Variants in SEMA3C observed in about 807,000 individuals in gnomAD.
SEMA3C encodes semaphorin-3C.
Under a neutral mutation model 89.4 loss-of-function variants are expected in SEMA3C, and 47 were observed. That is an observed-to-expected ratio of 0.53 (90% CI 0.42 to 0.67). The LOEUF is 0.67. Among genes scored for constraint, SEMA3C ranks in the 30% least tolerant of loss-of-function variants. The pLI is 0.00. For missense variants in SEMA3C, 839 were observed against 929.1 expected, an observed-to-expected ratio of 0.90 and a Z score of 1.26; for synonymous variants, 310 against 320.2, an observed-to-expected ratio of 0.97 and a Z score of 0.34.
chr7:80,856,664 T>C (rs996131707), intron 2 of SEMA3C, among the ~76,000 whole-genome samples: 4 of 151,986 alleles, frequency 2.6e-5, no homozygotes, highest in South Asian at 2.1e-4. Flanking sequence ...TATAAACTCT[T>C]TTCTGGAAAA....
In SEMA3C at chr7:80,905,760, TG is replaced by T. The variant is rs1246216291; in HGVS notation, c.103+10918del. On this transcript the variant is annotated intron_variant, in intron 2 of 17. Coordinates refer to ENST00000265361, the MANE Select transcript of SEMA3C (RefSeq NM_006379.5). ...AATGTCACCTTCTGTGAGGTGTCTATGCTTCTTTTATGGTATGCAGCAGGGT... is the reference window on the plus strand; with the variant it reads ...AATGTCACCTTCTGTGAGGTGTCTATCTTCTTTTATGGTATGCAGCAGGGT... The T allele has an allele frequency of 4.8e-6, 4 of 841,762 alleles. No homozygotes were observed. In the East Asian group the frequency reaches 2.5e-4, roughly 53 times the overall value. The allele number at this position is 841,762 out of a possible 1,614,324, so 52.1% of individuals were successfully genotyped here.
At chr7:80,840,000 T>C (rs1790224624) in intron 2 of SEMA3C, among the ~76,000 whole-genome samples, 1 of 152,144 alleles carries the variant, frequency 6.6e-6, no homozygotes, top group Admixed American at 6.6e-5. Flanking sequence ...CACACTTAAT[T>C]ATAGCAAGAA....
intron 2 of SEMA3C, among the ~76,000 whole-genome samples, chr7:80,879,366 T>C (rs1265155167): frequency 1.3e-5 from 2 of 152,212 alleles, no homozygotes; most frequent in Middle Eastern, 3.4e-3. Flanking sequence ...TTCCAGAACA[T>C]GAGGAATGAA....
intron 2 of SEMA3C, among the ~76,000 whole-genome samples, chr7:80,903,686 G>C (rs555078623): frequency 6.6e-6 from 1 of 152,134 alleles, no homozygotes; most frequent in East Asian, 1.9e-4. Context: ...TAAATCTTAT[G>C]AGACTACCAT....
intron 2 of SEMA3C, among the ~76,000 whole-genome samples, chr7:80,880,524 T>C (rs1245696618): frequency 2.0e-5 from 3 of 152,210 alleles, no homozygotes; most frequent in Non-Finnish European, 2.9e-5. Flanking sequence ...GAAATACATG[T>C]TGGACAATTT....
chr7:80,883,311 T>C (rs1410511044), intron 2 of SEMA3C, among the ~76,000 whole-genome samples: 3 of 152,180 alleles, frequency 2.0e-5, no homozygotes, highest in African/African-American at 4.8e-5. Flanking sequence ...ATTTAGATTC[T>C]GTTCCAAATC....
chr7:80,905,897 A>G (rs1425211523), intron 2 of SEMA3C: 1 of 1,289,596 alleles, frequency 7.8e-7, no homozygotes, highest in East Asian at 5.6e-5. Flanking sequence ...TGTAGCACAC[A>G]GCATTGTACA....
At chr7:80,798,308 A>C in intron 10 of SEMA3C, 72 bp from the exon 11 acceptor site, 1 of 1,205,550 alleles carries the variant, frequency 8.3e-7, no homozygotes, top group Non-Finnish European at 1.1e-6. Context: ...ATATATGGTA[A>C]AATTTATGAT....
chr7:80,825,379 C>A (rs1789848028), intron 4 of SEMA3C, among the ~76,000 whole-genome samples: 1 of 152,110 alleles, frequency 6.6e-6, no homozygotes, highest in African/African-American at 2.4e-5. Flanking sequence ...GGAAAGAGCA[C>A]TCCATTAGAT....
rs978700761 is a variant in SEMA3C, at chr7:80,768,188, T to C, written c.1355-2945A>G. Among the ~76,000 whole-genome samples, 8 of 152,338 alleles carry C rather than the reference T, an allele frequency of 5.3e-5. No individual in the cohort carries two copies. In the East Asian group the frequency reaches 5.8e-4, roughly 11 times the overall value. ...GGCTCTAGTTTTAATTAAAAGGCTC[T>C]GAAATATCTGCTTTGCAGCCGCTTC... On this transcript the variant is annotated intron_variant, in intron 12 of 17. Transcript: ENST00000265361.
At chr7:80,854,570 T>C (rs1790590019) in intron 2 of SEMA3C, among the ~76,000 whole-genome samples, 1 of 152,164 alleles carries the variant, frequency 6.6e-6, no homozygotes, top group African/African-American at 2.4e-5. Context: ...GTAATTATTG[T>C]GAGAGTCACC....
intron 2 of SEMA3C, among the ~76,000 whole-genome samples, chr7:80,836,328 C>T (rs1353280752): frequency 6.6e-6 from 1 of 152,034 alleles, no homozygotes; most frequent in Non-Finnish European, 1.5e-5. Flanking sequence ...AAGCAAAATG[C>T]CAAATGGATT....
At chr7:80,809,029 G>A (rs1373030081) in intron 6 of SEMA3C, among the ~76,000 whole-genome samples, 2 of 152,030 alleles carry the variant, frequency 1.3e-5, no homozygotes, top group Non-Finnish European at 2.9e-5. Flanking sequence ...CACCCACCTC[G>A]GCCTCCCAAA....
intron 2 of SEMA3C, among the ~76,000 whole-genome samples, chr7:80,892,976 G>C (rs1375373304): frequency 1.3e-5 from 2 of 152,042 alleles, no homozygotes; most frequent in Non-Finnish European, 2.9e-5. Context: ...TAGAAGCTAG[G>C]GATTGTGTTA....
At position 80,905,761 on chromosome 7, in the gene SEMA3C, G is replaced by A. The variant is rs115307797; in HGVS notation, c.103+10918C>T. 210 of 852,636 alleles carry A rather than the reference G, an allele frequency of 2.5e-4. No individual in the cohort carries two copies. In the African/African-American group the frequency reaches 3.4e-3, roughly 14 times the overall value. 52.8% of individuals were successfully genotyped at this position (852,636 alleles called of 1,614,324 possible). On this transcript the variant is annotated intron_variant, in intron 2 of 17. Coordinates refer to ENST00000265361, the MANE Select transcript of SEMA3C (RefSeq NM_006379.5). ...ATGTCACCTTCTGTGAGGTGTCTAT[G>A]CTTCTTTTATGGTATGCAGCAGGGT... is the stretch of plus-strand genomic sequence containing the variant.
chr7:80,753,313 T>C (rs542384217), intron 15 of SEMA3C, among the ~76,000 whole-genome samples: 1 of 152,352 alleles, frequency 6.6e-6, no homozygotes, highest in East Asian at 1.9e-4. Flanking sequence ...TCCAGCATTA[T>C]TTTCCTACAG....
At chr7:80,870,490 C>T (rs993449143) in intron 2 of SEMA3C, among the ~76,000 whole-genome samples, 2 of 152,166 alleles carry the variant, frequency 1.3e-5, no homozygotes, top group East Asian at 1.9e-4. Flanking sequence ...AGCTGCAAAG[C>T]GAATCCTCCT....
At chr7:80,795,036 G>A (rs1789029434) in intron 11 of SEMA3C, among the ~76,000 whole-genome samples, 1 of 152,156 alleles carries the variant, frequency 6.6e-6, no homozygotes, top group Non-Finnish European at 1.5e-5. Context: ...TATTTATGGG[G>A]TTGACTGGGC....
chr7:80,795,259 G>A (rs527534390), intron 11 of SEMA3C, among the ~76,000 whole-genome samples: 2 of 152,276 alleles, frequency 1.3e-5, no homozygotes, highest in South Asian at 2.1e-4. Context: ...CTGACTTCAT[G>A]GTGTTTTGCT....
Sources: gnomAD v4.1 joint callset for allele counts (sites outside exome capture counted in the v4.1 genomes callset) on GRCh38, gnomAD v4.1.1 for gene constraint, MANE v1.5 for transcripts, NCBI Gene and HGNC (gene_info 2026-07-23, HGNC 2026-07-21) for gene names.